KATNIP: variants seen among roughly 807,000 people sequenced by gnomAD.
The protein encoded by KATNIP is katanin-interacting protein.
In KATNIP, 126 loss-of-function variants were observed where a neutral mutation model predicts 174.0. The observed-to-expected ratio is 0.72, with a 90% CI of 0.63 to 0.84. The LOEUF is 0.84. KATNIP is among the 40% of genes least tolerant of loss of function. The probability of loss-of-function intolerance (pLI) is 0.00; values close to 1 mark genes in which losing one functional copy is unlikely to be tolerated. For synonymous variants in KATNIP, 810 were observed against 835.7 expected (o/e 0.97, Z 0.53); for missense variants, 1,958 against 2,109.7 (o/e 0.93, Z 1.41).
chr16:27,597,525 T>A (rs1455144223), intron 2 of KATNIP, among the ~76,000 whole-genome samples: 1 of 151,564 alleles, frequency 6.6e-6, no homozygotes, highest in Admixed American at 6.6e-5. Context: ...GTCTTGGAGA[T>A]CTGTGCTTGA....
chr16:27,566,301 G>A (rs751803823), intron 1 of KATNIP, among the ~76,000 whole-genome samples: 7 of 152,196 alleles, frequency 4.6e-5, no homozygotes, highest in Non-Finnish European at 7.3e-5. Context: ...CACTTTGGGA[G>A]GCCAAGGCAG....
intron 14 of KATNIP, among the ~76,000 whole-genome samples, chr16:27,739,068 A>G (rs2081005827): frequency 6.6e-6 from 1 of 151,694 alleles, no homozygotes; most frequent in Admixed American, 6.6e-5. Flanking sequence ...TTTGGAGGAG[A>G]CAACGCAGAG....
Position 27,771,658 on chromosome 16 carries a change from C to T in KATNIP, c.4198+6C>T, listed in dbSNP as rs377409695. 54 of 1,612,892 alleles carry T rather than the reference C, an allele frequency of 3.3e-5. No individual in the cohort carries two copies. In the African/African-American group the frequency reaches 6.8e-4, roughly 20 times the overall value. On this transcript the variant is annotated splice_donor_region_variant and intron_variant, in intron 22 of 27. Transcript: ENST00000261588. ...ACCGCTGATGCCCTGTGGCTGTATCCTTCTCCTCCCGCCCCACCAGCACAT... is the reference window on the plus strand; with the variant it reads ...ACCGCTGATGCCCTGTGGCTGTATCTTTCTCCTCCCGCCCCACCAGCACAT...
At chr16:27,704,871 A>G (rs1197798777) in intron 12 of KATNIP, among the ~76,000 whole-genome samples, 1 of 151,858 alleles carries the variant, frequency 6.6e-6, no homozygotes, top group Admixed American at 6.6e-5. Flanking sequence ...TGGTAGGATT[A>G]ACGGTGATTC....
rs149885159 is a variant in KATNIP, at chr16:27,737,399, G to C, written c.1744-2642G>C. ...CCTTGTCTCTTAAAAAAAAAAGAGA[G>C]CATTCTGTTTTGGGCATTTTATATT... On this transcript the variant is annotated intron_variant, in intron 14 of 27. Transcript: ENST00000261588. Among the ~76,000 whole-genome samples the C allele has an allele frequency of 6.7e-3, 1,020 of 152,136 alleles. 6 individuals carry two copies. Among genetic ancestry groups the C allele is most frequent in the African/African-American group, 0.023 (964 of 41,474 alleles).
chr16:27,574,155 T>G, intron 2 of KATNIP, 199 bp downstream of exon 2: 1 of 578,846 alleles, frequency 1.7e-6, no homozygotes, highest in Non-Finnish European at 3.1e-6. Context: ...TAATCACTTG[T>G]AATAATCATC....
At chr16:27,604,880 G>A (rs941382855) in intron 2 of KATNIP, among the ~76,000 whole-genome samples, 3 of 152,102 alleles carry the variant, frequency 2.0e-5, no homozygotes, top group African/African-American at 7.2e-5. Context: ...TTCCATTTAT[G>A]GCATTAATAT....
intron 14 of KATNIP, among the ~76,000 whole-genome samples, chr16:27,736,085 C>T (rs939729020): frequency 6.6e-6 from 1 of 152,206 alleles, no homozygotes; most frequent in African/African-American, 2.4e-5. Flanking sequence ...TCACTGCAAC[C>T]TCCCCCTCCC....
chr16:27,672,337 C>G (rs958164663), intron 6 of KATNIP, among the ~76,000 whole-genome samples: 1 of 152,194 alleles, frequency 6.6e-6, no homozygotes, highest in Non-Finnish European at 1.5e-5. Context: ...TCCCTGACCA[C>G]CATTCATCAG....
chr16:27,602,251 C>T (rs1425939126), intron 2 of KATNIP, among the ~76,000 whole-genome samples: 2 of 152,170 alleles, frequency 1.3e-5, no homozygotes, highest in African/African-American at 2.4e-5. Flanking sequence ...CTTCTCAACT[C>T]AGGACTCGCT....
In KATNIP at chr16:27,692,444, A is replaced by G. The variant is rs545830442; in HGVS notation, c.941-5884A>G. Among the ~76,000 whole-genome samples, 101 of 152,340 alleles carry G rather than the reference A, an allele frequency of 6.6e-4. 1 individual carries two copies. The highest frequency in any genetic ancestry group is 2.4e-3 in the African/African-American group (98 of 41,576). ...GGTGTCAGGGATACAACAGTAAACA[A>G]GATGGGTATGACCTCATGAAGTAGC... is the stretch of plus-strand genomic sequence containing the variant. On this transcript the variant is annotated intron_variant, in intron 8 of 27. Coordinates refer to ENST00000261588, the MANE Select transcript of KATNIP (RefSeq NM_015202.5).
At chr16:27,668,917 G>A (rs961986888) in intron 6 of KATNIP, among the ~76,000 whole-genome samples, 2 of 152,106 alleles carry the variant, frequency 1.3e-5, no homozygotes, top group Non-Finnish European at 1.5e-5. Context: ...AAGGTGGGAG[G>A]ATCACTTGAA....
chr16:27,595,660 AAC>A (rs2075312982), intron 2 of KATNIP, among the ~76,000 whole-genome samples: 1 of 152,226 alleles, frequency 6.6e-6, no homozygotes, highest in Admixed American at 6.5e-5. Flanking sequence ...GAACAAAATA[AAC>A]ACAAATCCAT....
Position 27,550,147 on chromosome 16 carries a change from C to T in KATNIP, c.-24C>T, listed in dbSNP as rs963234710. ...GTGTAGAGGCCGCTTCCGGTTCGAGCTCCCGGAACCGCCGCCTCTAGGGAT... is the reference window on the plus strand; with the variant it reads ...GTGTAGAGGCCGCTTCCGGTTCGAGTTCCCGGAACCGCCGCCTCTAGGGAT... On this transcript the variant is annotated 5_prime_UTR_variant, in exon 1 of 28. Coordinates refer to ENST00000261588, the MANE Select transcript of KATNIP (RefSeq NM_015202.5). The T allele has an allele frequency of 3.1e-6, 5 of 1,612,626 alleles. No homozygotes were observed. The South Asian group carries it at 5.5e-5, about 18-fold the overall frequency.
At chr16:27,608,782 A>G (rs777568272) in intron 2 of KATNIP, among the ~76,000 whole-genome samples, 15 of 152,210 alleles carry the variant, frequency 9.9e-5, no homozygotes, top group Non-Finnish European at 1.8e-4. Flanking sequence ...CAATAAGGAC[A>G]TTGAGGCTCT....
At chr16:27,725,269 G>A (rs2080399349) in intron 14 of KATNIP, among the ~76,000 whole-genome samples, 1 of 152,202 alleles carries the variant, frequency 6.6e-6, no homozygotes, top group Admixed American at 6.5e-5. Flanking sequence ...GCAGGTGGTG[G>A]TATTTCCCAT....
chr16:27,761,332 A>G, intron 18 of KATNIP, 81 bp from the exon 19 acceptor site: 1 of 1,399,588 alleles, frequency 7.1e-7, no homozygotes, highest in East Asian at 2.3e-5. Context: ...GAGGCCGAAT[A>G]GCATTCCTCT....
chr16:27,769,557 T>A (rs2082227523), intron 20 of KATNIP, among the ~76,000 whole-genome samples: 1 of 152,184 alleles, frequency 6.6e-6, no homozygotes, highest in Admixed American at 6.5e-5. Flanking sequence ...GCCCTTGACC[T>A]CCATCTCATG....
intron 1 of KATNIP, among the ~76,000 whole-genome samples, chr16:27,553,001 G>A (rs140882799): frequency 1.7e-4 from 26 of 152,296 alleles, no homozygotes; most frequent in African/African-American, 5.3e-4. Flanking sequence ...GCCACAAGTG[G>A]CAGTTTCTTA....
Sources: gnomAD v4.1 joint callset for allele counts (sites outside exome capture counted in the v4.1 genomes callset) on GRCh38, gnomAD v4.1.1 for gene constraint, MANE v1.5 for transcripts, NCBI Gene and HGNC (gene_info 2026-07-23, HGNC 2026-07-21) for gene names.